The following TNFRSF10B variants were observed in gnomAD, a reference collection of about 807,000 sequenced individuals.
The protein encoded by TNFRSF10B is TNF receptor superfamily member 10b, also known as tumor necrosis factor receptor superfamily member 10B.
A neutral mutation model predicts 41.4 loss-of-function variants in TNFRSF10B; 35 were observed. The observed-to-expected ratio is 0.85, with a 90% CI of 0.65 to 1.12. The LOEUF (loss-of-function observed/expected upper bound fraction) is 1.12, where lower values mean the gene tolerates loss of function less well. Among genes scored for constraint, TNFRSF10B ranks in the 50% most tolerant of loss-of-function variants. The pLI is 0.00. For missense variants in TNFRSF10B, 584 were observed against 552.7 expected, an observed-to-expected ratio of 1.06 and a Z score of -0.57; for synonymous variants, 230 against 215.5, an observed-to-expected ratio of 1.07 and a Z score of -0.59.
intron 3 of TNFRSF10B, 52 bp from the exon 4 acceptor site, chr8:23,029,773 G>A (rs759230376): frequency 1.3e-6 from 2 of 1,551,570 alleles, no homozygotes; most frequent in South Asian, 2.3e-5. Flanking sequence ...TGTGTCCCTT[G>A]ACCCTTCCTC....
At chr8:23,048,437 CAAAAAAAAAA>C (rs34985507) in intron 1 of TNFRSF10B, among the ~76,000 whole-genome samples, 1 of 93,694 alleles carries the variant, frequency 1.1e-5, no homozygotes. Flanking sequence ...ATTTTTGTGT[CAAAAAAAAAA>C]AAAAAAAAAC....
At chr8:23,030,551 T>TG (rs1475560044) in intron 3 of TNFRSF10B, among the ~76,000 whole-genome samples, 1 of 152,066 alleles carries the variant, frequency 6.6e-6, no homozygotes, top group Non-Finnish European at 1.5e-5. Context: ...GCTCAAGTGA[T>TG]GCCTCCCAAA....
rs759504507 is a variant in TNFRSF10B at position 23,022,705 on chromosome 8, T to C, written c.1289A>G (p.Tyr430Cys). 1.1e-5 allele frequency: 17 copies of C among 1,613,914 alleles called. No individual in the cohort carries two copies. Among genetic ancestry groups the C allele is most frequent in the Non-Finnish European group, 1.4e-5 (17 of 1,180,016 alleles). ...DHLLSSGKFMYLEGNADSAMS is the reference protein window; with the variant it reads ...DHLLSSGKFMCLEGNADSAMS ...GGCAGAGTCTGCATTACCTTCTAGA[T>C]ACATGAACTTTCCAGAGCTCAACAA... The change falls in exon 9 of 9, where the codon TAT becomes TGT. Residue 430 changes from tyrosine to cysteine, a missense_variant. Transcript: ENST00000276431.
chr8:23,040,419 TTTA>T (rs375860506), intron 2 of TNFRSF10B, among the ~76,000 whole-genome samples: 12,648 of 46,154 alleles, frequency 0.27, 5,322 homozygotes, highest in East Asian at 0.47. Context: ...AAAATATATA[TTTA>T]TTAAATATAT....
Position 23,021,689 on chromosome 8 carries a change from T to G in TNFRSF10B, c.*982A>C. The G allele has an allele frequency of 2.2e-6, 1 of 454,138 alleles. No homozygotes were observed. 28.1% of individuals were successfully genotyped at this position (454,138 alleles called of 1,614,324 possible). ...CAGTTCTCTTTGGTCCCGACTCATA[T>G]GTAAACAACTACCTATAAATAATAC... On this transcript the variant is annotated 3_prime_UTR_variant, in exon 9 of 9. Coordinates refer to ENST00000276431, the MANE Select transcript of TNFRSF10B (RefSeq NM_003842.5).
At chr8:23,037,846 C>T (rs544944771) in intron 2 of TNFRSF10B, among the ~76,000 whole-genome samples, 9 of 152,284 alleles carry the variant, frequency 5.9e-5, no homozygotes, top group African/African-American at 2.2e-4. Context: ...ATTCATGTGT[C>T]CAGGAATCTA....
intron 2 of TNFRSF10B, among the ~76,000 whole-genome samples, chr8:23,039,750 G>A (rs1288467868): frequency 6.6e-6 from 1 of 152,172 alleles, no homozygotes; most frequent in East Asian, 1.9e-4. Context: ...GTGCAAGGAT[G>A]TGATCTATGA....
intron 1 of TNFRSF10B, among the ~76,000 whole-genome samples, chr8:23,059,680 TGTA>T (rs755519995): frequency 7.0e-6 from 1 of 141,906 alleles, no homozygotes; most frequent in African/African-American, 2.7e-5. Flanking sequence ...CTAATTTTTT[TGTA>T]TTTTTTTTTT....
At chr8:23,057,678 C>G (rs1317001228) in intron 1 of TNFRSF10B, among the ~76,000 whole-genome samples, 1 of 152,048 alleles carries the variant, frequency 6.6e-6, no homozygotes, top group East Asian at 1.9e-4. Context: ...GTGAATCCGC[C>G]TACCTTGGCC....
At chr8:23,050,401 C>G (rs2128818096) in intron 1 of TNFRSF10B, among the ~76,000 whole-genome samples, 1 of 152,212 alleles carries the variant, frequency 6.6e-6, no homozygotes, top group South Asian at 2.1e-4. Context: ...TTTTTTGAAG[C>G]TCAATGATTG....
rs545461160 is a variant in TNFRSF10B, at chr8:23,051,544, ACT to A, written c.145-8303_145-8302del. On this transcript the variant is annotated intron_variant, in intron 1 of 8. Coordinates refer to ENST00000276431, the MANE Select transcript of TNFRSF10B (RefSeq NM_003842.5). ...TACATCTTGAATTATTTAGTAAAAT[ACT>A]CTTTTTTTTTTTTTTTAAGATGGAG... 5.1e-3 allele frequency among the ~76,000 whole-genome samples: 720 copies of A among 140,348 alleles called. 7 individuals carry two copies. The highest frequency in any genetic ancestry group is 0.018 in the African/African-American group (699 of 38,426). The allele number at this position is 140,348 out of a possible 152,430, so 92.1% of individuals were successfully genotyped here.
At position 23,020,852 on chromosome 8, in the gene TNFRSF10B, G is replaced by A; in HGVS notation, c.*1819C>T. Reference sequence around the variant, plus strand: ...CGTCCTGCACAGAAGGCCCAGCAAAGGCAAAGACCAGGAGGCAGCAGCACC... The same window carrying A: ...CGTCCTGCACAGAAGGCCCAGCAAAAGCAAAGACCAGGAGGCAGCAGCACC... On this transcript the variant is annotated 3_prime_UTR_variant, in exon 9 of 9. Transcript: ENST00000276431. The A allele has an allele frequency of 4.4e-6, 2 of 454,108 alleles. No individual in the cohort carries two copies. Among genetic ancestry groups the A allele is most frequent in the Admixed American group, 2.3e-5 (1 of 42,570 alleles). The allele number at this position is 454,108 out of a possible 1,614,324, so 28.1% of individuals were successfully genotyped here. A position where few individuals can be genotyped will look rare whatever the true frequency, so the allele number is the denominator to read the frequency against.
In TNFRSF10B at chr8:23,024,244, T is replaced by C. The variant is rs1182328048; in HGVS notation, c.953A>G (p.Glu318Gly). 1 of 1,614,074 alleles carries C rather than the reference T, an allele frequency of 6.2e-7. No individual in the cohort carries two copies. Among genetic ancestry groups the C allele is most frequent in the Non-Finnish European group, 8.5e-7 (1 of 1,179,978 alleles). The change falls in exon 8 of 9, where the codon GAA becomes GGA. Residue 318 changes from glutamate to glycine, a missense_variant. Physicochemically the swap from Glu to Gly is moderately conservative, Grantham distance 98. Transcript: ENST00000276431. ...SEHLLEPAEA[E>G]RSQRRRLLVP... Reference sequence around the variant, plus strand: ...CAGCAGCCTCCTCCTCTGAGACCTTTCAGCTTCTGCCGGTTCCTGTAACAC... The same window carrying C: ...CAGCAGCCTCCTCCTCTGAGACCTTCCAGCTTCTGCCGGTTCCTGTAACAC...
intron 1 of TNFRSF10B, among the ~76,000 whole-genome samples, chr8:23,064,685 C>T (rs1012725335): frequency 3.3e-5 from 5 of 152,142 alleles, no homozygotes; most frequent in Non-Finnish European, 5.9e-5. Context: ...TGCTTTACAC[C>T]AAGTTTGAGC....
intron 8 of TNFRSF10B, among the ~76,000 whole-genome samples, chr8:23,023,393 A>ATCTG (rs908052563): frequency 2.2e-4 from 34 of 152,306 alleles, no homozygotes; most frequent in African/African-American, 7.7e-4. Context: ...CCACTTCTGC[A>ATCTG]TCTGTGGAAA....
At chr8:23,034,211 T>TACTC (rs1811965724) in intron 2 of TNFRSF10B, among the ~76,000 whole-genome samples, 1 of 152,182 alleles carries the variant, frequency 6.6e-6, no homozygotes, top group Non-Finnish European at 1.5e-5. Flanking sequence ...ATGTTGTCAT[T>TACTC]ACTCAAACTA....
intron 8 of TNFRSF10B, 110 bp from the exon 9 acceptor site, chr8:23,023,094 C>A: frequency 7.2e-7 from 1 of 1,382,166 alleles, no homozygotes; most frequent in Non-Finnish European, 9.9e-7. Flanking sequence ...GCCCCGTGTG[C>A]GGGCAAACCT....
intron 7 of TNFRSF10B, among the ~76,000 whole-genome samples, chr8:23,026,119 A>G (rs117712583): frequency 1.2e-3 from 187 of 152,314 alleles, no homozygotes; most frequent in Non-Finnish European, 2.3e-3. Context: ...TGGAGGAAGT[A>G]TTGGCATTGT....
chr8:23,033,210 G>C (rs542568156), intron 2 of TNFRSF10B, among the ~76,000 whole-genome samples: 1 of 152,308 alleles, frequency 6.6e-6, no homozygotes, highest in African/African-American at 2.4e-5. Context: ...TAGTAGATCT[G>C]CCCTGTGAAA....
Sources: gnomAD v4.1 joint callset for allele counts (sites outside exome capture counted in the v4.1 genomes callset) on GRCh38, gnomAD v4.1.1 for gene constraint, MANE v1.5 for transcripts, NCBI Gene and HGNC (gene_info 2026-07-23, HGNC 2026-07-21) for gene names.